Variants in AADAT observed in about 807,000 individuals in gnomAD.
AADAT encodes aminoadipate aminotransferase.
In AADAT, 25 loss-of-function variants were observed where a neutral mutation model predicts 56.2. That is an observed-to-expected ratio of 0.44 (90% CI 0.32 to 0.62). AADAT has a LOEUF of 0.62. Among genes scored for constraint, AADAT ranks in the 20% least tolerant of loss-of-function variants. AADAT has a pLI of 0.04. For missense variants in AADAT, 387 were observed against 510.5 expected, an observed-to-expected ratio of 0.76 and a Z score of 2.33; for synonymous variants, 173 against 164.7, an observed-to-expected ratio of 1.05 and a Z score of -0.39.
chr4:170,087,309 C>A, intron 2 of AADAT, 61 bp from the exon 3 acceptor site: 1 of 1,488,770 alleles, frequency 6.7e-7, no homozygotes, highest in Non-Finnish European at 9.2e-7. Flanking sequence ...CAGTAGTAGA[C>A]AGGAAATAAT....
upstream of AADAT, among the ~76,000 whole-genome samples, chr4:170,093,361 C>T (rs114709506): frequency 0.043 from 6,493 of 151,926 alleles, 464 homozygotes; most frequent in African/African-American, 0.15. Flanking sequence ...ACCCGGGAGG[C>T]GGAGGTTGGA....
At chr4:170,075,487 A>T (rs534964302) in intron 4 of AADAT, among the ~76,000 whole-genome samples, 1 of 152,218 alleles carries the variant, frequency 6.6e-6, no homozygotes, top group South Asian at 2.1e-4. Context: ...AACAAAAAAA[A>T]GTTGTAGACA....
intron 8 of AADAT, among the ~76,000 whole-genome samples, chr4:170,067,684 GGTTAA>G (rs1053150054): frequency 3.2e-4 from 49 of 152,186 alleles, no homozygotes; most frequent in African/African-American, 1.1e-3. Context: ...GAGGCACAAG[GGTTAA>G]GTTAACTTTT....
At chr4:170,076,656 C>T (rs1360961799) in intron 4 of AADAT, among the ~76,000 whole-genome samples, 5 of 152,056 alleles carry the variant, frequency 3.3e-5, no homozygotes. Flanking sequence ...TATTTTCTCC[C>T]ACTGTATAGA....
intron 8 of AADAT, 28 bp from the exon 9 acceptor site, chr4:170,067,416 T>C (rs1231955059): frequency 6.3e-7 from 1 of 1,582,336 alleles, no homozygotes; most frequent in Non-Finnish European, 8.6e-7. Context: ...ATAAATACCA[T>C]GTTTCATCCC....
At position 170,060,978 on chromosome 4, in the gene AADAT, G is replaced by GAA; in HGVS notation, c.1237-11_1237-10dup. ...GCTAATACCTGGAAGGCCTAAAACA[G>GAA]AAAAAAAAAATTAGAATTAATTAAA... On this transcript the variant is annotated splice_polypyrimidine_tract_variant and intron_variant, in intron 12 of 12. Coordinates refer to ENST00000337664, the MANE Select transcript of AADAT (RefSeq NM_016228.4). 1.0e-5 allele frequency: 14 copies of GAA among 1,380,888 alleles called. No individual in the cohort carries two copies. The highest frequency in any genetic ancestry group is 4.5e-5 in the African/African-American group (3 of 66,172). 85.5% of individuals were successfully genotyped at this position (1,380,888 alleles called of 1,614,324 possible). A position where few individuals can be genotyped will look rare whatever the true frequency, so the allele number is the denominator to read the frequency against.
chr4:170,072,726 G>A (rs1731835689), intron 5 of AADAT, among the ~76,000 whole-genome samples: 1 of 152,146 alleles, frequency 6.6e-6, no homozygotes, highest in South Asian at 2.1e-4. Context: ...ATCTCAAATA[G>A]ATTTTATGAA....
chr4:170,070,926 T>C (rs1397863409), intron 5 of AADAT, among the ~76,000 whole-genome samples: 1 of 152,194 alleles, frequency 6.6e-6, no homozygotes, highest in Non-Finnish European at 1.5e-5. Flanking sequence ...TTATTTTGTT[T>C]TTTTGAGACA....
intron 4 of AADAT, among the ~76,000 whole-genome samples, chr4:170,078,187 T>C (rs1732128680): frequency 6.6e-6 from 1 of 152,174 alleles, no homozygotes; most frequent in South Asian, 2.1e-4. Context: ...AAAAAATAAA[T>C]TTTTGTAATT....
intron 3 of AADAT, among the ~76,000 whole-genome samples, chr4:170,081,820 G>A (rs76767373): frequency 0.034 from 5,212 of 152,216 alleles, 117 homozygotes; most frequent in Middle Eastern, 0.075. Flanking sequence ...GATTACAGGC[G>A]TGAGCTACCA....
chr4:170,065,445 T>A (rs1162150095), intron 10 of AADAT, among the ~76,000 whole-genome samples: 6 of 152,072 alleles, frequency 3.9e-5, no homozygotes, highest in Non-Finnish European at 5.9e-5. Flanking sequence ...TGATTCAAAG[T>A]TTTTCTTCAG....
chr4:170,087,190 TAGG>T lies in AADAT; in HGVS notation c.292_294del (p.Pro98del). The T allele has an allele frequency of 6.2e-7, 1 of 1,614,122 alleles. No homozygotes were observed. The highest frequency in any genetic ancestry group is 8.5e-7 in the Non-Finnish European group (1 of 1,180,012). On this transcript the variant is annotated inframe_deletion, in exon 3 of 13. Transcript: ENST00000337664. ...CCTTGACTGGGTGGGTAATGGATGGTAGGAGGATTATGCAATTTTATTTGTAAC... is the reference window on the plus strand; with the variant it reads ...CCTTGACTGGGTGGGTAATGGATGGTAGGATTATGCAATTTTATTTGTAAC...
intron 3 of AADAT, among the ~76,000 whole-genome samples, chr4:170,083,907 C>T (rs1732431439): frequency 6.6e-6 from 1 of 152,104 alleles, no homozygotes; most frequent in African/African-American, 2.4e-5. Flanking sequence ...ACAAAAACAT[C>T]AATATATCAA....
At position 170,073,511 on chromosome 4, in the gene AADAT, A is replaced by AT. The variant is rs547736204; in HGVS notation, c.445-167dup. 1.2e-3 allele frequency among the ~76,000 whole-genome samples: 181 copies of AT among 148,734 alleles called. 1 individual carries two copies. The highest frequency in any genetic ancestry group is 4.3e-3 in the African/African-American group (176 of 40,516). On this transcript the variant is annotated intron_variant, in intron 4 of 12. Transcript: ENST00000337664. ...GAGGGTTGAGGTTACACATTTATTT[A>AT]TTTTTTTTTTTGAGATGGAGTCTCG...
chr4:170,092,358 G>A (rs1052982089), upstream of AADAT, among the ~76,000 whole-genome samples: 1 of 152,212 alleles, frequency 6.6e-6, no homozygotes, highest in Non-Finnish European at 1.5e-5. Flanking sequence ...AAATCCAGCC[G>A]AGCTGTCTTA....
chr4:170,066,331 G>T, intron 10 of AADAT, 83 bp downstream of exon 10: 6 of 1,174,646 alleles, frequency 5.1e-6, no homozygotes, highest in Non-Finnish European at 7.7e-6. Flanking sequence ...TTTCCACCAG[G>T]ATTGTTAGTA....
At chr4:170,089,215 C>T (rs1732715615) in intron 1 of AADAT, 3 of 384,370 alleles carry the variant, frequency 7.8e-6, no homozygotes. Context: ...CTCCACTTAG[C>T]CCCGACCTGT....
chr4:170,090,256 C>T (rs766844353), upstream of AADAT: 3 of 152,348 alleles, frequency 2.0e-5, no homozygotes, highest in East Asian at 1.9e-4. Flanking sequence ...TGATCCTAAT[C>T]CTCGGGAACC....
At chr4:170,073,090 C>A in intron 5 of AADAT, 46 bp downstream of exon 5, 1 of 1,579,470 alleles carries the variant, frequency 6.3e-7, no homozygotes, top group Non-Finnish European at 8.7e-7. Context: ...TAAAAAGTCA[C>A]AGAGAAACAG....
Sources: gnomAD v4.1 joint callset for allele counts (sites outside exome capture counted in the v4.1 genomes callset) on GRCh38, gnomAD v4.1.1 for gene constraint, MANE v1.5 for transcripts, NCBI Gene and HGNC (gene_info 2026-07-23, HGNC 2026-07-21) for gene names.